GPALPP1: variants seen among roughly 807,000 people sequenced by gnomAD.
GPALPP1 encodes the protein GPALPP motifs containing 1.
Under a neutral mutation model 38.9 loss-of-function variants are expected in GPALPP1, and 30 were observed. That is an observed-to-expected ratio of 0.77 (90% CI 0.58 to 1.05). GPALPP1 has a LOEUF of 1.05. GPALPP1 is among the 50% of genes least tolerant of loss of function. The probability of loss-of-function intolerance (pLI) is 0.00; values close to 1 mark genes in which losing one functional copy is unlikely to be tolerated. For synonymous variants in GPALPP1, 120 were observed against 139.2 expected (o/e 0.86, Z 0.97); for missense variants, 384 against 408.8 (o/e 0.94, Z 0.52).
chr13:45,004,505 T>C (rs1873935344), intron 2 of GPALPP1, 68 bp downstream of exon 2: 1 of 1,049,230 alleles, frequency 9.5e-7, no homozygotes, highest in African/African-American at 1.6e-5. Flanking sequence ...CTGGAACAGA[T>C]AGCTAGTAAG....
Position 45,028,672 on chromosome 13 carries a change from C to T in GPALPP1, c.*669C>T, listed in dbSNP as rs1876013602. On this transcript the variant is annotated 3_prime_UTR_variant, in exon 8 of 8. Coordinates refer to ENST00000379151, the MANE Select transcript of GPALPP1 (RefSeq NM_018559.5). ...TCAGCAGGCTGAGGTGGGAGGATCC[C>T]TTGAGCCCAGGAATTCAAGGCAGCA... 6.6e-6 allele frequency: 1 copy of T among 152,258 alleles called. No homozygotes were observed. Among genetic ancestry groups the T allele is most frequent in the South Asian group, 2.1e-4 (1 of 4,830 alleles). The allele number at this position is 152,258 out of a possible 1,614,324, so 9.4% of individuals were successfully genotyped here.
intron 4 of GPALPP1, among the ~76,000 whole-genome samples, chr13:45,009,610 A>G (rs1874335436): frequency 6.6e-6 from 1 of 152,204 alleles, no homozygotes; most frequent in Non-Finnish European, 1.5e-5. Flanking sequence ...TCAATCTGTT[A>G]TACTGCAGTG....
chr13:45,026,627 G>A (rs915947202), intron 7 of GPALPP1, among the ~76,000 whole-genome samples: 10 of 152,078 alleles, frequency 6.6e-5, no homozygotes, highest in African/African-American at 2.2e-4. Context: ...CAGTAGGAAG[G>A]GCCTGGAAGA....
Position 45,008,888 on chromosome 13 carries a change from A to T in GPALPP1, c.408+9A>T. Reference sequence around the variant, plus strand: ...ATGATCCAGGACAACAGGTATCATCATCCCATTTCAACTCTAAGGTTTGGA... The same window carrying T: ...ATGATCCAGGACAACAGGTATCATCTTCCCATTTCAACTCTAAGGTTTGGA... On this transcript the variant is annotated intron_variant, in intron 4 of 7. Transcript: ENST00000379151. 1.4e-6 allele frequency: 2 copies of T among 1,470,350 alleles called. No homozygotes were observed. The highest frequency in any genetic ancestry group is 1.9e-6 in the Non-Finnish European group (2 of 1,048,926). 91.1% of individuals were successfully genotyped at this position (1,470,350 alleles called of 1,614,324 possible).
rs574736193 is a variant in GPALPP1, at chr13:45,021,241, G to A, written c.804+813G>A. ...AAGGTGTTTAGGAAAATTATTTTCT[G>A]TTCCCAGTGTATTAAAGAAAATTCC... On this transcript the variant is annotated intron_variant, in intron 7 of 7. Transcript: ENST00000379151. 1.5e-3 allele frequency among the ~76,000 whole-genome samples: 232 copies of A among 152,242 alleles called. 2 individuals are homozygous for A. Among genetic ancestry groups the A allele is most frequent in the African/African-American group, 5.4e-3 (226 of 41,544 alleles).
chr13:45,003,332 T>C (rs1873826184), intron 1 of GPALPP1, among the ~76,000 whole-genome samples: 1 of 152,238 alleles, frequency 6.6e-6, no homozygotes, highest in African/African-American at 2.4e-5. Context: ...TTATTTGTTA[T>C]TTATTTATTA....
chr13:45,027,694 C>T (rs1875929249), intron 7 of GPALPP1, 91 bp from the exon 8 acceptor site: 1 of 635,970 alleles, frequency 1.6e-6, no homozygotes. Context: ...TTAATGTGCA[C>T]CATTACTATC....
chr13:45,018,272 C>T (rs1258355179), intron 6 of GPALPP1, among the ~76,000 whole-genome samples: 1 of 152,068 alleles, frequency 6.6e-6, no homozygotes, highest in Non-Finnish European at 1.5e-5. Context: ...TGGCGGGCGC[C>T]TGTAGTCGCA....
At chr13:45,013,576 A>C (rs991821601) in intron 4 of GPALPP1, among the ~76,000 whole-genome samples, 59 of 152,232 alleles carry the variant, frequency 3.9e-4, no homozygotes, top group African/African-American at 1.4e-3. Context: ...ACTGGACTAG[A>C]ATTACCAATA....
intron 1 of GPALPP1, 120 bp downstream of exon 1, chr13:44,989,862 G>C (rs896455714): frequency 1.6e-5 from 11 of 694,610 alleles, no homozygotes; most frequent in African/African-American, 1.4e-4. Context: ...GGCGCGGCCT[G>C]ACCCGAGAGA....
chr13:45,032,512 T>A (rs1876247229), downstream of GPALPP1, among the ~76,000 whole-genome samples: 1 of 151,756 alleles, frequency 6.6e-6, no homozygotes, highest in African/African-American at 2.4e-5. Context: ...TTCAAGCGAT[T>A]CTTCTGCCTC....
intron 1 of GPALPP1, among the ~76,000 whole-genome samples, chr13:44,995,781 T>G (rs566113745): frequency 7.9e-5 from 12 of 152,290 alleles, no homozygotes; most frequent in African/African-American, 2.9e-4. Flanking sequence ...CTGATTCAGG[T>G]GATCTGGGTG....
At chr13:45,025,083 A>G (rs1875742936) in intron 7 of GPALPP1, among the ~76,000 whole-genome samples, 2 of 152,194 alleles carry the variant, frequency 1.3e-5, no homozygotes, top group South Asian at 4.1e-4. Flanking sequence ...TCACCACTGT[A>G]CAATTCATCC....
In GPALPP1 at chr13:44,989,703, C is replaced by T. The variant is rs1436496208; in HGVS notation, c.49C>T (p.Arg17Cys). ...GGCCCTGCCGCCCGGCTTCAAGGCC[C>T]GCGGAACAGCGGAGGACGAAGAGCG... is the stretch of plus-strand genomic sequence containing the variant. ...GPALPPGFKARGTAEDEERDP... is the reference protein window; with the variant it reads ...GPALPPGFKACGTAEDEERDP... The change falls in exon 1 of 8, where the codon CGC (arginine) becomes TGC (cysteine). Residue 17 changes from arginine to cysteine, a missense_variant. Coordinates refer to ENST00000379151, the MANE Select transcript of GPALPP1 (RefSeq NM_018559.5). 1 of 1,611,538 alleles carries T rather than the reference C, an allele frequency of 6.2e-7. No homozygotes were observed.
At chr13:45,017,082 G>A (rs1874929943) in intron 6 of GPALPP1, among the ~76,000 whole-genome samples, 1 of 152,196 alleles carries the variant, frequency 6.6e-6, no homozygotes, top group African/African-American at 2.4e-5. Flanking sequence ...TTACTCATCA[G>A]TACCTAGAAT....
chr13:45,002,744 T>C (rs1873789384), intron 1 of GPALPP1, among the ~76,000 whole-genome samples: 1 of 152,194 alleles, frequency 6.6e-6, no homozygotes, highest in Non-Finnish European at 1.5e-5. Flanking sequence ...GTCTGGCCCC[T>C]TTATACCATC....
Position 45,028,139 on chromosome 13 carries a change from A to G in GPALPP1, c.*136A>G, listed in dbSNP as rs1875977192. On this transcript the variant is annotated 3_prime_UTR_variant, in exon 8 of 8. Coordinates refer to ENST00000379151, the MANE Select transcript of GPALPP1 (RefSeq NM_018559.5). Reference sequence around the variant, plus strand: ...AAAAATTTTATATTTTTATAAGTAAACAGTGATTTTTGAAAAGTCAGCCTT... The same window carrying G: ...AAAAATTTTATATTTTTATAAGTAAGCAGTGATTTTTGAAAAGTCAGCCTT... The G allele has an allele frequency of 2.2e-6, 1 of 448,046 alleles. No individual in the cohort carries two copies. Among genetic ancestry groups the G allele is most frequent in the African/African-American group, 2.0e-5 (1 of 49,176 alleles). 27.8% of individuals were successfully genotyped at this position (448,046 alleles called of 1,614,324 possible).
chr13:44,996,623 C>T (rs925687316), intron 1 of GPALPP1, among the ~76,000 whole-genome samples: 3 of 151,608 alleles, frequency 2.0e-5, no homozygotes, highest in African/African-American at 4.8e-5. Context: ...GCTGAAATTA[C>T]GGGGATGCAC....
At chr13:44,999,122 A>G (rs1311845562) in intron 1 of GPALPP1, among the ~76,000 whole-genome samples, 2 of 152,244 alleles carry the variant, frequency 1.3e-5, no homozygotes, top group South Asian at 2.1e-4. Context: ...AGGTCTACTA[A>G]TGAGAAGAAC....
Sources: allele counts gnomAD v4.1 joint callset (sites outside exome capture counted in the v4.1 genomes callset), GRCh38; gene constraint gnomAD v4.1.1; transcripts MANE v1.5; gene names NCBI Gene and HGNC (gene_info 2026-07-23, HGNC 2026-07-21).